The following NSD3 variants were observed in gnomAD, a reference collection of about 807,000 sequenced individuals.
The protein encoded by NSD3 is histone-lysine N-methyltransferase NSD3.
Under a neutral mutation model 160.8 loss-of-function variants are expected in NSD3, and 24 were observed. The ratio of observed to expected loss-of-function variants is 0.15; its 90% CI spans 0.11 to 0.21. The LOEUF (loss-of-function observed/expected upper bound fraction) is 0.21. Ranked by LOEUF, NSD3 falls within the 10% of genes least tolerant of loss-of-function variation. The pLI is 1.00. For missense variants in NSD3, 1,157 were observed against 1,735.9 expected, an observed-to-expected ratio of 0.67 and a Z score of 5.93; for synonymous variants, 520 against 600.0, an observed-to-expected ratio of 0.87 and a Z score of 1.95.
In NSD3 at chr8:38,377,157, A is replaced by G. The variant is rs536046015; in HGVS notation, c.-45+4642T>C. On this transcript the variant is annotated intron_variant, in intron 1 of 23. Transcript: ENST00000317025. ...AACCTCCGCCTCCTGGGTTCAAGCGATTGGCCTGTCTCAGCCTCCGGAGTA... is the reference window on the plus strand; with the variant it reads ...AACCTCCGCCTCCTGGGTTCAAGCGGTTGGCCTGTCTCAGCCTCCGGAGTA... Among the ~76,000 whole-genome samples, 9 of 152,226 alleles carry G rather than the reference A, an allele frequency of 5.9e-5. 1 individual carries two copies. In the South Asian group the frequency reaches 1.9e-3, roughly 32 times the overall value.
intron 4 of NSD3, among the ~76,000 whole-genome samples, chr8:38,334,353 G>C (rs1052190092): frequency 3.9e-5 from 6 of 152,184 alleles, no homozygotes; most frequent in African/African-American, 1.4e-4. Flanking sequence ...ACTGCTAATG[G>C]ATACAGGATT....
rs370666622 is a variant in NSD3, at chr8:38,313,141, GA to G, written c.2242+1505del. Among the ~76,000 whole-genome samples the G allele has an allele frequency of 4.9e-4, 75 of 152,250 alleles. 1 individual carries two copies. The South Asian group carries it at 0.015, about 30-fold the overall frequency. The stretch of plus-strand genomic sequence containing the variant: ...TGATGAATAAAATATTTTATAAGGG[GA>G]AAATTTTAAGTTATATGTTCTAAAC... On this transcript the variant is annotated intron_variant, in intron 12 of 23. Coordinates refer to ENST00000317025, the MANE Select transcript of NSD3 (RefSeq NM_023034.2).
At chr8:38,328,369 A>G (rs1450758431) in intron 6 of NSD3, among the ~76,000 whole-genome samples, 2 of 152,174 alleles carry the variant, frequency 1.3e-5, no homozygotes, top group Non-Finnish European at 2.9e-5. Flanking sequence ...TTTGTACTCA[A>G]AAAAGATGCA....
chr8:38,369,706 A>G (rs1168139926), intron 1 of NSD3, among the ~76,000 whole-genome samples: 1 of 152,222 alleles, frequency 6.6e-6, no homozygotes, highest in African/African-American at 2.4e-5. Context: ...ACTGATCTTC[A>G]GTGGTAAAGT....
At chr8:38,308,561 G>GT (rs1809459517) in intron 12 of NSD3, among the ~76,000 whole-genome samples, 1 of 152,230 alleles carries the variant, frequency 6.6e-6, no homozygotes, top group Non-Finnish European at 1.5e-5. Flanking sequence ...GCTCATGCCT[G>GT]TAATCCCAGC....
chr8:38,359,402 A>G (rs1393557753), intron 1 of NSD3, among the ~76,000 whole-genome samples: 1 of 152,208 alleles, frequency 6.6e-6, no homozygotes, highest in Non-Finnish European at 1.5e-5. Context: ...AAATTACACT[A>G]AAAATCAATA....
intron 1 of NSD3, among the ~76,000 whole-genome samples, chr8:38,348,862 T>C (rs1810598584): frequency 6.6e-6 from 1 of 152,140 alleles, no homozygotes; most frequent in African/African-American, 2.4e-5. Context: ...TTTCACTATG[T>C]TGCCCAAGCT....
chr8:38,359,183 T>C (rs1002664951), intron 1 of NSD3, among the ~76,000 whole-genome samples: 2 of 152,180 alleles, frequency 1.3e-5, no homozygotes, highest in African/African-American at 4.8e-5. Context: ...TTTTTAGTAA[T>C]ACAGTAACAA....
At position 38,321,265 on chromosome 8, in the gene NSD3, TACCCA is replaced by T. The variant is rs1809791235; in HGVS notation, c.1709-98_1709-94del. On this transcript the variant is annotated intron_variant, in intron 7 of 23. Coordinates refer to ENST00000317025, the MANE Select transcript of NSD3 (RefSeq NM_023034.2). The surrounding 1 kb of genome is among the most constrained non-coding windows in gnomAD (Gnocchi z 4.7). ...ATATGACCACATTCCTTGCTTTTCT[TACCCA>T]TTACTTTTGGAATTTTAATTAAAAT... 4 of 970,650 alleles carry T rather than the reference TACCCA, an allele frequency of 4.1e-6. No individual in the cohort carries two copies. Among genetic ancestry groups the T allele is most frequent in the Non-Finnish European group, 6.0e-6 (4 of 662,922 alleles). 60.1% of individuals were successfully genotyped at this position (970,650 alleles called of 1,614,324 possible).
intron 1 of NSD3, among the ~76,000 whole-genome samples, chr8:38,355,412 A>C (rs1018160672): frequency 1.1e-5 from 1 of 88,304 alleles, no homozygotes; most frequent in Non-Finnish European, 2.6e-5. Flanking sequence ...TAAAAAGTTA[A>C]AAAAAAAAAA....
intron 1 of NSD3, among the ~76,000 whole-genome samples, chr8:38,360,620 T>G (rs1241996641): frequency 6.6e-6 from 1 of 152,212 alleles, no homozygotes; most frequent in Non-Finnish European, 1.5e-5. Flanking sequence ...AGCATTTTAG[T>G]ATGTAAAACA....
At chr8:38,306,768 T>C (rs1372728201) in intron 12 of NSD3, among the ~76,000 whole-genome samples, 3 of 152,166 alleles carry the variant, frequency 2.0e-5, no homozygotes, top group Non-Finnish European at 4.4e-5. Context: ...AAAATTAAAA[T>C]GTGTTCATCT....
chr8:38,347,855 A>C lies in NSD3; in HGVS notation c.317T>G (p.Phe106Cys), dbSNP rs763320344. Residue 106 changes from phenylalanine (F) to cysteine (C), a missense_variant, in exon 2 of 24, where the codon TTT becomes TGT. Phe to Cys is a radical substitution (Grantham distance 205). Coordinates refer to ENST00000317025, the MANE Select transcript of NSD3 (RefSeq NM_023034.2). ...SANGFGAVRN[F>C]SPTDYYHSEI... The stretch of plus-strand genomic sequence containing the variant: ...TGAATGATAATAGTCAGTGGGGCTA[A>C]AGTTTCTAACTGCACCAAAGCCATT... The C allele has an allele frequency of 6.2e-7, 1 of 1,614,220 alleles. No homozygotes were observed. Among genetic ancestry groups the C allele is most frequent in the Non-Finnish European group, 8.5e-7 (1 of 1,180,044 alleles).
chr8:38,357,179 G>A (rs376395507), intron 1 of NSD3, among the ~76,000 whole-genome samples: 4 of 147,244 alleles, frequency 2.7e-5, no homozygotes, highest in African/African-American at 7.5e-5. Flanking sequence ...TAAGCATTTT[G>A]GAATTAGAAG....
At position 38,277,338 on chromosome 8, in the gene NSD3, C is replaced by T. The variant is rs975247916; in HGVS notation, c.3868-838G>A. Among the ~76,000 whole-genome samples the T allele has an allele frequency of 3.9e-5, 6 of 152,090 alleles. No homozygotes were observed. In the East Asian group the frequency reaches 1.2e-3, roughly 29 times the overall value. ...TGTCGCCCATGTTGAAGTGCAATGGCGCGACCTTGGCTCACTGCAACCTCT... is the reference window on the plus strand; with the variant it reads ...TGTCGCCCATGTTGAAGTGCAATGGTGCGACCTTGGCTCACTGCAACCTCT... On this transcript the variant is annotated intron_variant, in intron 22 of 23. Transcript: ENST00000317025.
Position 38,279,485 on chromosome 8 carries a change from T to C in NSD3, c.3760+55A>G, listed in dbSNP as rs185440091. On this transcript the variant is annotated intron_variant, in intron 21 of 23. Transcript: ENST00000317025. ...CTTGAAGAACCATGTCCTAGCTCTA[T>C]AGGATATTCTTTCTTCCTAGGGAGG... The C allele has an allele frequency of 4.0e-4, 632 of 1,599,296 alleles. 4 individuals carry two copies. In the African/African-American group the frequency reaches 6.7e-3, roughly 17 times the overall value.
chr8:38,294,406 A>G (rs1447530125), intron 16 of NSD3, among the ~76,000 whole-genome samples: 4 of 152,080 alleles, frequency 2.6e-5, no homozygotes, highest in Non-Finnish European at 5.9e-5. Context: ...AAGTTTTAAA[A>G]CTGTATCACT....
intron 15 of NSD3, 130 bp from the exon 16 acceptor site, chr8:38,296,082 C>A (rs942997635): frequency 1.1e-6 from 1 of 937,970 alleles, no homozygotes; most frequent in South Asian, 1.8e-5. Context: ...GGGACTGAGT[C>A]ATATCTACAG....
intron 2 of NSD3, among the ~76,000 whole-genome samples, chr8:38,345,434 G>A (rs1207591285): frequency 6.6e-6 from 1 of 151,914 alleles, no homozygotes; most frequent in Admixed American, 6.6e-5. Flanking sequence ...CCCAAGACTC[G>A]ACTTTCAGGC....
Sources: gnomAD v4.1 joint callset for allele counts (sites outside exome capture counted in the v4.1 genomes callset) on GRCh38, gnomAD v4.1.1 for gene constraint, Gnocchi (gnomAD v3.1) non-coding constraint, MANE v1.5 for transcripts, NCBI Gene and HGNC (gene_info 2026-07-23, HGNC 2026-07-21) for gene names.